Variants in USP5 observed in about 807,000 individuals in gnomAD.
USP5 encodes the protein ubiquitin specific peptidase 5, also known as ubiquitin carboxyl-terminal hydrolase 5.
In USP5, 24 loss-of-function variants were observed where a neutral mutation model predicts 102.5. The ratio of observed to expected loss-of-function variants is 0.23; its 90% CI spans 0.17 to 0.33. USP5 has a LOEUF of 0.33. Ranked by LOEUF, USP5 falls within the 10% of genes least tolerant of loss-of-function variation. The pLI, the probability that USP5 is intolerant of heterozygous loss-of-function variation, is 1.00. For missense variants in USP5, 753 were observed against 1,122.1 expected, an observed-to-expected ratio of 0.67 and a Z score of 4.70; for synonymous variants, 460 against 434.8, an observed-to-expected ratio of 1.06 and a Z score of -0.72.
Position 6,863,096 on chromosome 12 carries a change from A to C in USP5, c.1763-90A>C, listed in dbSNP as rs1944324574. 2 of 1,303,926 alleles carry C rather than the reference A, an allele frequency of 1.5e-6. No individual in the cohort carries two copies. The highest frequency in any genetic ancestry group is 2.1e-6 in the Non-Finnish European group (2 of 961,018). The allele number at this position is 1,303,926 out of a possible 1,614,324, so 80.8% of individuals were successfully genotyped here. On this transcript the variant is annotated intron_variant, in intron 14 of 19. Coordinates refer to ENST00000229268, the MANE Select transcript of USP5 (RefSeq NM_001098536.2). This position sits in a 1 kb window ranked among gnomAD's most constrained non-coding sequence, Gnocchi z 4.7. ...TTTTAGCAGCTCCTCTTTACAGAGCAGTTCTGACATAGGGGGCAGGGGATT... is the reference window on the plus strand; with the variant it reads ...TTTTAGCAGCTCCTCTTTACAGAGCCGTTCTGACATAGGGGGCAGGGGATT...
chr12:6,858,935 A>G lies in USP5; in HGVS notation c.1058+318A>G, dbSNP rs1944196025. On this transcript the variant is annotated intron_variant, in intron 8 of 19. Transcript: ENST00000229268. The surrounding 1 kb of genome is among the most constrained non-coding windows in gnomAD (Gnocchi z 4.2). ...GAGCAAGTTAGGGAGCTGCACCACC[A>G]GCACCCCAACACACAAACCCCACTG... 1 of 262,306 alleles carries G rather than the reference A, an allele frequency of 3.8e-6. No homozygotes were observed. The highest frequency in any genetic ancestry group is 7.6e-6 in the Non-Finnish European group (1 of 131,978). The allele number at this position is 262,306 out of a possible 1,614,324, so 16.2% of individuals were successfully genotyped here. A position where few individuals can be genotyped will look rare whatever the true frequency, so the allele number is the denominator to read the frequency against.
Position 6,856,956 on chromosome 12 carries a change from G to A in USP5, c.769+65G>A. The stretch of plus-strand genomic sequence containing the variant: ...ATATTTCATTTGTTAGTAATTTCGT[G>A]TGACATGTATAATACATGAATGCAT... On this transcript the variant is annotated intron_variant, in intron 6 of 19. Coordinates refer to ENST00000229268, the MANE Select transcript of USP5 (RefSeq NM_001098536.2). The surrounding 1 kb of genome is among the most constrained non-coding windows in gnomAD (Gnocchi z 5.6). 6.4e-7 allele frequency: 1 copy of A among 1,563,486 alleles called. No individual in the cohort carries two copies. Among genetic ancestry groups the A allele is most frequent in the Non-Finnish European group, 8.7e-7 (1 of 1,152,462 alleles).
rs1281967226 is a variant in USP5, at chr12:6,866,625, C to G, written c.*548C>G. The G allele has an allele frequency of 6.4e-6, 1 of 155,492 alleles. No homozygotes were observed. Among genetic ancestry groups the G allele is most frequent in the Admixed American group, 6.3e-5 (1 of 15,858 alleles). 9.6% of individuals were successfully genotyped at this position (155,492 alleles called of 1,614,324 possible). A position where few individuals can be genotyped will look rare whatever the true frequency, so the allele number is the denominator to read the frequency against. ...ATACACGATGTGAATAAAAGTACAACGGCTAAATTGTGTCCTGTTTGATAC... is the reference window on the plus strand; with the variant it reads ...ATACACGATGTGAATAAAAGTACAAGGGCTAAATTGTGTCCTGTTTGATAC... On this transcript the variant is annotated 3_prime_UTR_variant, in exon 20 of 20. Coordinates refer to ENST00000229268, the MANE Select transcript of USP5 (RefSeq NM_001098536.2). This position sits in a 1 kb window ranked among gnomAD's most constrained non-coding sequence, Gnocchi z 4.7.
rs781867359 is a variant in USP5 at position 6,863,067 on chromosome 12, G to A, written c.1763-119G>A. On this transcript the variant is annotated intron_variant, in intron 14 of 19. Coordinates refer to ENST00000229268, the MANE Select transcript of USP5 (RefSeq NM_001098536.2). This position sits in a 1 kb window ranked among gnomAD's most constrained non-coding sequence, Gnocchi z 4.7. ...TACTGGGACCCCTAAGATGGGTGCC[G>A]TGCTTTTAGCAGCTCCTCTTTACAG... The A allele has an allele frequency of 2.6e-4, 261 of 1,008,792 alleles. 1 individual carries two copies. Among genetic ancestry groups the A allele is most frequent in the East Asian group, 2.2e-3 (83 of 37,594 alleles). The allele number at this position is 1,008,792 out of a possible 1,614,324, so 62.5% of individuals were successfully genotyped here. A position where few individuals can be genotyped will look rare whatever the true frequency, so the allele number is the denominator to read the frequency against.
chr12:6,859,608 A>G, intron 9 of USP5, 67 bp downstream of exon 9: 3 of 1,485,534 alleles, frequency 2.0e-6, no homozygotes, highest in South Asian at 1.1e-5. Flanking sequence ...CTCCTCCCTG[A>G]CCGCCTGGGG....
chr12:6,862,323 G>A (rs1214467692), intron 13 of USP5, 147 bp from the exon 14 acceptor site: 5 of 699,220 alleles, frequency 7.2e-6, no homozygotes, highest in African/African-American at 7.1e-5. Flanking sequence ...ACAGGCATCA[G>A]ACACCTGCCC....
chr12:6,852,673 A>G (rs1191085192), intron 1 of USP5, among the ~76,000 whole-genome samples: 14 of 152,158 alleles, frequency 9.2e-5, no homozygotes, highest in Admixed American at 6.5e-4. Context: ...AGTCTCGTGT[A>G]GGAGTGATGG....
Position 6,855,649 on chromosome 12 carries a change from G to C in USP5, c.238-106G>C, listed in dbSNP as rs1405274474. The stretch of plus-strand genomic sequence containing the variant: ...TAAAGCTTGGCACAGATGTTTTTTA[G>C]CTTTATTCCGTTCTGAGATGAAGCA... On this transcript the variant is annotated intron_variant, in intron 2 of 19. Coordinates refer to ENST00000229268, the MANE Select transcript of USP5 (RefSeq NM_001098536.2). The surrounding 1 kb of genome is among the most constrained non-coding windows in gnomAD (Gnocchi z 4.6). 3 of 1,588,584 alleles carry C rather than the reference G, an allele frequency of 1.9e-6. No homozygotes were observed. The highest frequency in any genetic ancestry group is 2.6e-6 in the Non-Finnish European group (3 of 1,167,142).
At position 6,856,855 on chromosome 12, in the gene USP5, G is replaced by A. The variant is rs781894301; in HGVS notation, c.733G>A (p.Ala245Thr). ...EHYRETGYPL[A>T]VKLGTITPDG... ...CTACCGAGAGACAGGCTACCCGTTA[G>A]CTGTCAAGCTGGGCACCATCACCCC... The change falls in exon 6 of 20, where the codon GCT (alanine) becomes ACT (threonine). Residue 245 changes from alanine (A) to threonine (T), a missense_variant. By Grantham distance (58) the Ala-to-Thr change is moderately conservative. This residue lies in a region of USP5 where 527 missense variants were observed against 816.5 expected (regional missense o/e 0.65). Coordinates refer to ENST00000229268, the MANE Select transcript of USP5 (RefSeq NM_001098536.2). This position sits in a 1 kb window ranked among gnomAD's most constrained non-coding sequence, Gnocchi z 5.6. The A allele has an allele frequency of 3.1e-6, 5 of 1,614,040 alleles. No individual in the cohort carries two copies. In the East Asian group the frequency reaches 1.1e-4, roughly 36 times the overall value.
rs377393722 is a variant in USP5 at position 6,855,561 on chromosome 12, T to G, written c.237+35T>G. On this transcript the variant is annotated intron_variant, in intron 2 of 19. Coordinates refer to ENST00000229268, the MANE Select transcript of USP5 (RefSeq NM_001098536.2). The surrounding 1 kb of genome is among the most constrained non-coding windows in gnomAD (Gnocchi z 4.6). ...GGGCTGGGGCAAGGCCTGGGTACAT[T>G]GTCTGTTCCATTCTGACCTCCTATT... 1.2e-6 allele frequency: 2 copies of G among 1,612,002 alleles called. No individual in the cohort carries two copies. Among genetic ancestry groups the G allele is most frequent in the East Asian group, 4.5e-5 (2 of 44,878 alleles).
chr12:6,861,904 A>C lies in USP5; in HGVS notation c.1673+287A>C, dbSNP rs1944288032. Among the ~76,000 whole-genome samples the C allele has an allele frequency of 6.6e-6, 1 of 152,126 alleles. No homozygotes were observed. Among genetic ancestry groups the C allele is most frequent in the Non-Finnish European group, 1.5e-5 (1 of 68,018 alleles). On this transcript the variant is annotated intron_variant, in intron 13 of 19. Coordinates refer to ENST00000229268, the MANE Select transcript of USP5 (RefSeq NM_001098536.2). The surrounding 1 kb of genome is among the most constrained non-coding windows in gnomAD (Gnocchi z 4.9). ...TTGCCCCTCAGTCATGGCTGAGCACAGGCACTTAGGATCAGCTGTGGGCAG... is the reference window on the plus strand; with the variant it reads ...TTGCCCCTCAGTCATGGCTGAGCACCGGCACTTAGGATCAGCTGTGGGCAG...
intron 1 of USP5, among the ~76,000 whole-genome samples, chr12:6,852,812 C>T (rs1024116214): frequency 6.6e-6 from 1 of 152,132 alleles, no homozygotes; most frequent in Non-Finnish European, 1.5e-5. Flanking sequence ...AGCCTCCACC[C>T]CGTGGTTAAA....
rs1555130901 is a variant in USP5, at chr12:6,866,300, C to T, written c.*223C>T. ...GACGGGGACGGGAGGGGCCGGCCACCTGTCTGTAAGGAGACTTTGTTGCTT... is the reference window on the plus strand; with the variant it reads ...GACGGGGACGGGAGGGGCCGGCCACTTGTCTGTAAGGAGACTTTGTTGCTT... On this transcript the variant is annotated 3_prime_UTR_variant, in exon 20 of 20. Coordinates refer to ENST00000229268, the MANE Select transcript of USP5 (RefSeq NM_001098536.2). The surrounding 1 kb of genome is among the most constrained non-coding windows in gnomAD (Gnocchi z 4.7). 5.6e-6 allele frequency: 3 copies of T among 540,222 alleles called. No individual in the cohort carries two copies. Among genetic ancestry groups the T allele is most frequent in the Non-Finnish European group, 1.0e-5 (3 of 299,830 alleles). The allele number at this position is 540,222 out of a possible 1,614,324, so 33.5% of individuals were successfully genotyped here.
In USP5 at chr12:6,856,384, T is replaced by C; in HGVS notation, c.518T>C (p.Val173Ala). 1 of 1,613,888 alleles carries C rather than the reference T, an allele frequency of 6.2e-7. No individual in the cohort carries two copies. Among genetic ancestry groups the C allele is most frequent in the East Asian group, 2.2e-5 (1 of 44,856 alleles). Reference sequence around the variant, plus strand: ...GAGGTGCAGGCATGGGATGGGGAAGTACGGCAGGTGTCTAAGCATGCCTTC... The same window carrying C: ...GAGGTGCAGGCATGGGATGGGGAAGCACGGCAGGTGTCTAAGCATGCCTTC... ...KQEVQAWDGE[V>A]RQVSKHAFSL... Residue 173 changes from valine (V) to alanine (A), a missense_variant, in exon 5 of 20, where the codon GTA (valine) becomes GCA (alanine). Val to Ala is a moderately conservative substitution (Grantham distance 64). Around this residue, in one of 3 missense-constraint regions of USP5, gnomAD observed 527 missense variants for 816.5 expected, o/e 0.65. Transcript: ENST00000229268. The surrounding 1 kb of genome is among the most constrained non-coding windows in gnomAD (Gnocchi z 5.6).
At position 6,863,477 on chromosome 12, in the gene USP5, C is replaced by A; in HGVS notation, c.1954+100C>A. 1 of 1,404,084 alleles carries A rather than the reference C, an allele frequency of 7.1e-7. No homozygotes were observed. The highest frequency in any genetic ancestry group is 2.3e-5 in the East Asian group (1 of 43,302). 87.0% of individuals were successfully genotyped at this position (1,404,084 alleles called of 1,614,324 possible). A position where few individuals can be genotyped will look rare whatever the true frequency, so the allele number is the denominator to read the frequency against. Reference sequence around the variant, plus strand: ...GTCCTTTGTGTTTCTCCTGTCCTCCCTTTCAAATTTCCTCTGCCCTCTTTG... The same window carrying A: ...GTCCTTTGTGTTTCTCCTGTCCTCCATTTCAAATTTCCTCTGCCCTCTTTG... On this transcript the variant is annotated intron_variant, in intron 15 of 19. Transcript: ENST00000229268. This position sits in a 1 kb window ranked among gnomAD's most constrained non-coding sequence, Gnocchi z 4.7.
At chr12:6,857,348 C>A (rs1362116051) in intron 6 of USP5, 1 of 410,936 alleles carries the variant, frequency 2.4e-6, no homozygotes, top group East Asian at 4.1e-5. Context: ...CACTCAAATC[C>A]TCATCCCTTT....
In USP5 at chr12:6,863,766, G is replaced by C; in HGVS notation, c.1955-64G>C. The C allele has an allele frequency of 2.7e-6, 4 of 1,508,224 alleles. No homozygotes were observed. Among genetic ancestry groups the C allele is most frequent in the Non-Finnish European group, 3.6e-6 (4 of 1,126,632 alleles). The allele number at this position is 1,508,224 out of a possible 1,614,324, so 93.4% of individuals were successfully genotyped here. On this transcript the variant is annotated intron_variant, in intron 15 of 19. Transcript: ENST00000229268. The surrounding 1 kb of genome is among the most constrained non-coding windows in gnomAD (Gnocchi z 4.7). ...GATTGGAAGAGGGCTGGGTCCTGGGGGAGGGAGGAGGAGCAAACAGTGGCC... is the reference window on the plus strand; with the variant it reads ...GATTGGAAGAGGGCTGGGTCCTGGGCGAGGGAGGAGGAGCAAACAGTGGCC...
intron 8 of USP5, 26 bp from the exon 9 acceptor site, chr12:6,859,444 C>T (rs1253175097): frequency 6.2e-7 from 1 of 1,613,180 alleles, no homozygotes; most frequent in Non-Finnish European, 8.5e-7. Flanking sequence ...CAGAGCCCCT[C>T]CAACTGTCCT....
At position 6,859,524 on chromosome 12, in the gene USP5, G is replaced by C. The variant is rs200040016; in HGVS notation, c.1113G>C (p.Gln371His). 34 of 1,614,170 alleles carry C rather than the reference G, an allele frequency of 2.1e-5. No individual in the cohort carries two copies. ...IFQNAPTDPT[Q>H]DFSTQVAKLG... ...AGAATGCCCCGACGGACCCTACCCA[G>C]GATTTCAGCACCCAGGTGTATGTAA... The change falls in exon 9 of 20, where the codon CAG becomes CAC. Residue 371 changes from glutamine to histidine, a missense_variant. By Grantham distance (24) the Gln-to-His change is conservative. Coordinates refer to ENST00000229268, the MANE Select transcript of USP5 (RefSeq NM_001098536.2).
Sources: allele counts gnomAD v4.1 joint callset (sites outside exome capture counted in the v4.1 genomes callset), GRCh38; gene constraint gnomAD v4.1.1; regional missense constraint gnomAD v4.1.1; non-coding constraint Gnocchi (gnomAD v3.1); transcripts MANE v1.5; gene names NCBI Gene and HGNC (gene_info 2026-07-23, HGNC 2026-07-21).